Variants in ADIPOR2 observed in about 807,000 individuals in gnomAD.
ADIPOR2 encodes the protein adiponectin receptor 2, also known as adiponectin receptor protein 2.
In ADIPOR2, 18 loss-of-function variants were observed where a neutral mutation model predicts 40.9. That is an observed-to-expected ratio of 0.44 (90% CI 0.30 to 0.65). The LOEUF is 0.65. Among genes scored for constraint, ADIPOR2 ranks in the 30% least tolerant of loss-of-function variants. The pLI is 0.09. For missense variants in ADIPOR2, 283 were observed against 479.2 expected, an observed-to-expected ratio of 0.59 and a Z score of 3.82; for synonymous variants, 165 against 166.4, an observed-to-expected ratio of 0.99 and a Z score of 0.06.
chr12:1,721,403 A>G (rs1244597742), intron 1 of ADIPOR2, among the ~76,000 whole-genome samples: 1 of 151,930 alleles, frequency 6.6e-6, no homozygotes, highest in Non-Finnish European at 1.5e-5. Context: ...TTTAGTACAG[A>G]TGGGGTTTCA....
intron 2 of ADIPOR2, among the ~76,000 whole-genome samples, chr12:1,771,973 ATGGACC>A: frequency 6.6e-6 from 1 of 152,232 alleles, no homozygotes. Flanking sequence ...TAGGGAGAAA[ATGGACC>A]TGCAGTGAAG....
intron 1 of ADIPOR2, among the ~76,000 whole-genome samples, chr12:1,719,366 A>G (rs191265000): frequency 1.2e-4 from 19 of 152,288 alleles, no homozygotes; most frequent in African/African-American, 4.6e-4. Context: ...AAGTGCTATC[A>G]TGCATTTATT....
At chr12:1,714,082 A>C (rs1303056463) in intron 1 of ADIPOR2, among the ~76,000 whole-genome samples, 2 of 152,016 alleles carry the variant, frequency 1.3e-5, no homozygotes, top group Non-Finnish European at 2.9e-5. Flanking sequence ...TGCACCTTCC[A>C]GTGATTGCCT....
Position 1,757,319 on chromosome 12 carries a change from CTG to C in ADIPOR2, c.171+2808_171+2809del. 7.4e-6 allele frequency: 5 copies of C among 677,024 alleles called. No homozygotes were observed. The Admixed American group carries it at 1.1e-4, about 15-fold the overall frequency. 41.9% of individuals were successfully genotyped at this position (677,024 alleles called of 1,614,324 possible). A position where few individuals can be genotyped will look rare whatever the true frequency, so the allele number is the denominator to read the frequency against. On this transcript the variant is annotated intron_variant, in intron 2 of 7. Coordinates refer to ENST00000357103, the MANE Select transcript of ADIPOR2 (RefSeq NM_024551.3). ...ACCCTTTTCCTCAGGGAAGAGAAGT[CTG>C]TGGTTTGTTGCCCTTGCCAATAACA...
At chr12:1,749,789 G>A (rs2094764890) in intron 1 of ADIPOR2, among the ~76,000 whole-genome samples, 2 of 150,970 alleles carry the variant, frequency 1.3e-5, no homozygotes. Flanking sequence ...TACTGAGTCA[G>A]TATATTGCTG....
chr12:1,756,539 G>T (rs950848706), intron 2 of ADIPOR2, among the ~76,000 whole-genome samples: 1 of 151,438 alleles, frequency 6.6e-6, no homozygotes. Flanking sequence ...AATGAGATAA[G>T]GTCAGTGGGC....
intron 2 of ADIPOR2, chr12:1,757,228 A>G: frequency 3.9e-6 from 2 of 517,408 alleles, no homozygotes; most frequent in East Asian, 3.4e-5. Context: ...CCCAGGGACC[A>G]TTTCACCCAC....
chr12:1,778,726 A>G (rs957745728), intron 4 of ADIPOR2: 1 of 152,242 alleles, frequency 6.6e-6, no homozygotes, highest in Admixed American at 6.5e-5. Context: ...GGTATATCAA[A>G]GTGCATTATC....
At chr12:1,763,355 G>A (rs910322380) in intron 2 of ADIPOR2, among the ~76,000 whole-genome samples, 1 of 152,212 alleles carries the variant, frequency 6.6e-6, no homozygotes, top group Non-Finnish European at 1.5e-5. Flanking sequence ...GGGCCTAGAG[G>A]AGGTGGGTGT....
chr12:1,731,294 C>G (rs1321552890), intron 1 of ADIPOR2, among the ~76,000 whole-genome samples: 2 of 152,172 alleles, frequency 1.3e-5, no homozygotes, highest in African/African-American at 4.8e-5. Flanking sequence ...CTTCAGCCTC[C>G]CAAAGTTCTG....
At chr12:1,693,494 A>G (rs1309173219) in intron 1 of ADIPOR2, among the ~76,000 whole-genome samples, 1 of 150,488 alleles carries the variant, frequency 6.6e-6, no homozygotes, top group Non-Finnish European at 1.5e-5. Context: ...ATGAACTCAA[A>G]TTGATAAATG....
At chr12:1,712,840 C>T (rs2094680326) in intron 1 of ADIPOR2, among the ~76,000 whole-genome samples, 1 of 152,132 alleles carries the variant, frequency 6.6e-6, no homozygotes, top group Non-Finnish European at 1.5e-5. Context: ...TCGTTTCTTG[C>T]TGAGGGCCCT....
At chr12:1,778,536 C>A (rs762522542) in intron 4 of ADIPOR2, 1 of 152,204 alleles carries the variant, frequency 6.6e-6, no homozygotes, top group African/African-American at 2.4e-5. Context: ...TGATCCCGAA[C>A]TCACATATGC....
At chr12:1,716,802 G>A (rs1405025158) in intron 1 of ADIPOR2, among the ~76,000 whole-genome samples, 1 of 152,122 alleles carries the variant, frequency 6.6e-6, no homozygotes, top group Non-Finnish European at 1.5e-5. Context: ...CCCTTTTCAT[G>A]TTATAATCAT....
intron 1 of ADIPOR2, among the ~76,000 whole-genome samples, chr12:1,739,952 A>G (rs2154442877): frequency 6.7e-6 from 1 of 149,824 alleles, no homozygotes; most frequent in East Asian, 1.9e-4. Flanking sequence ...AATACAAAAA[A>G]TTAACCGGGC....
Position 1,777,902 on chromosome 12 carries a change from T to A in ADIPOR2, c.340T>A (p.Trp114Arg). ...GATCCCTCATGATGTACTACCAGAC[T>A]GGCTCAAGGATAATGACTTCCTCTT... is the stretch of plus-strand genomic sequence containing the variant. ...RVIPHDVLPD[W>R]LKDNDFLLHG... The change falls in exon 4 of 8, where the codon TGG becomes AGG. Residue 114 changes from tryptophan to arginine, a missense_variant. This residue lies in a region of ADIPOR2 where 112 missense variants were observed against 249.5 expected (regional missense o/e 0.45). Coordinates refer to ENST00000357103, the MANE Select transcript of ADIPOR2 (RefSeq NM_024551.3). The A allele has an allele frequency of 6.2e-7, 1 of 1,614,138 alleles. No homozygotes were observed. Among genetic ancestry groups the A allele is most frequent in the African/African-American group, 1.3e-5 (1 of 75,044 alleles).
Position 1,785,744 on chromosome 12 carries a change from C to G in ADIPOR2, c.1033-200C>G, listed in dbSNP as rs553388123. ...GGCAGCACCTTGGTTTCTTTGGGAA[C>G]AGCTGGCTTTCAGCTCAGCAGAATG... On this transcript the variant is annotated intron_variant, in intron 7 of 7. Coordinates refer to ENST00000357103, the MANE Select transcript of ADIPOR2 (RefSeq NM_024551.3). 4.6e-5 allele frequency among the ~76,000 whole-genome samples: 7 copies of G among 152,288 alleles called. No individual in the cohort carries two copies. The South Asian group carries it at 1.5e-3, about 32-fold the overall frequency.
chr12:1,747,307 A>G (rs768352094), intron 1 of ADIPOR2, among the ~76,000 whole-genome samples: 37 of 152,348 alleles, frequency 2.4e-4, no homozygotes, highest in Non-Finnish European at 5.3e-4. Flanking sequence ...GAGAATGAGA[A>G]CTGGAAAATT....
chr12:1,710,294 A>G (rs1015713870), intron 1 of ADIPOR2, among the ~76,000 whole-genome samples: 1 of 152,152 alleles, frequency 6.6e-6, no homozygotes, highest in African/African-American at 2.4e-5. Context: ...CGCTCTTCAC[A>G]ATAAATCTTG....
Sources: allele counts gnomAD v4.1 joint callset (sites outside exome capture counted in the v4.1 genomes callset), GRCh38; gene constraint gnomAD v4.1.1; regional missense constraint gnomAD v4.1.1; transcripts MANE v1.5; gene names NCBI Gene and HGNC (gene_info 2026-07-23, HGNC 2026-07-21).